The following YES1 variants were observed in gnomAD, a reference collection of about 807,000 sequenced individuals.
YES1 encodes the protein tyrosine-protein kinase Yes.
YES1 carries 39 observed loss-of-function variants against 70.4 expected under a neutral mutation model. The observed-to-expected ratio is 0.55, with a 90% CI of 0.43 to 0.72. The LOEUF is 0.72. Ranked by LOEUF, YES1 falls within the 30% of genes least tolerant of loss-of-function variation. The pLI, the probability that YES1 is intolerant of heterozygous loss-of-function variation, is 0.00. For synonymous variants in YES1, 198 were observed against 218.6 expected (o/e 0.91, Z 0.83); for missense variants, 495 against 644.8 (o/e 0.77, Z 2.52).
chr18:777,218 A>G (rs1905427166), intron 1 of YES1, among the ~76,000 whole-genome samples: 1 of 152,198 alleles, frequency 6.6e-6, no homozygotes, highest in Non-Finnish European at 1.5e-5. Context: ...CAAGGAACAG[A>G]GCCTATGACT....
intron 1 of YES1, among the ~76,000 whole-genome samples, chr18:790,926 A>G (rs1042491606): frequency 6.6e-6 from 1 of 152,176 alleles, no homozygotes; most frequent in Non-Finnish European, 1.5e-5. Flanking sequence ...GAAATTCTCT[A>G]TATTCATTCA....
At chr18:724,681 T>C (rs760968620) in intron 11 of YES1, 49 bp from the exon 12 acceptor site, 54 of 1,493,618 alleles carry the variant, frequency 3.6e-5, no homozygotes, top group Non-Finnish European at 4.5e-5. Flanking sequence ...TAACTACCAC[T>C]AGGAAAACAT....
chr18:723,394 CTTTCT>C lies in YES1; in HGVS notation c.*1025_*1029del, dbSNP rs1323478234. 1 of 152,140 alleles carries C rather than the reference CTTTCT, an allele frequency of 6.6e-6. No homozygotes were observed. Among genetic ancestry groups the C allele is most frequent in the Non-Finnish European group, 1.5e-5 (1 of 67,920 alleles). The allele number at this position is 152,140 out of a possible 1,614,324, so 9.4% of individuals were successfully genotyped here. On this transcript the variant is annotated 3_prime_UTR_variant, in exon 12 of 12. Transcript: ENST00000314574. ...ATCCCTCTAACTTGTAAAACTTTCACTTTCTTTTCTCGTATTTCTTTTAAATACAT... is the reference window on the plus strand; with the variant it reads ...ATCCCTCTAACTTGTAAAACTTTCACTTTCTCGTATTTCTTTTAAATACAT...
Position 787,080 on chromosome 18 carries a change from C to T in YES1, c.-9+25034G>A, listed in dbSNP as rs377139130. On this transcript the variant is annotated intron_variant, in intron 1 of 11. Coordinates refer to ENST00000314574, the MANE Select transcript of YES1 (RefSeq NM_005433.4). Reference sequence around the variant, plus strand: ...TTTAAAAAACTGTGATACATACTGTCTTTTTTTTTTTTTTTTTTTTTTTTT... The same window carrying T: ...TTTAAAAAACTGTGATACATACTGTTTTTTTTTTTTTTTTTTTTTTTTTTT... Among the ~76,000 whole-genome samples, 108 of 34,766 alleles carry T rather than the reference C, an allele frequency of 3.1e-3. 11 individuals carry two copies. Among genetic ancestry groups the T allele is most frequent in the African/African-American group, 0.011 (95 of 8,826 alleles). 22.8% of individuals were successfully genotyped at this position (34,766 alleles called of 152,430 possible).
rs753480264 is a variant in YES1, at chr18:724,436, T to C, written c.1620A>G (p.Gly540=). The C allele has an allele frequency of 1.9e-6, 3 of 1,613,758 alleles. No individual in the cohort carries two copies. Among genetic ancestry groups the C allele is most frequent in the Non-Finnish European group, 2.5e-6 (3 of 1,179,788 alleles). Reference sequence around the variant, plus strand: ...TAGGCTACTTGAATTATAAATTTTCTCCTGGCTGGTACTGTGGCTCTGTAG... The same window carrying C: ...TAGGCTACTTGAATTATAAATTTTCCCCTGGCTGGTACTGTGGCTCTGTAG... ...FTATEPQYQP[G]ENL Residue 540 remains glycine, a synonymous_variant, in exon 12 of 12, where the codon GGA becomes GGG. Transcript: ENST00000314574.
chr18:787,342 G>A (rs984280912), intron 1 of YES1, among the ~76,000 whole-genome samples: 12 of 150,912 alleles, frequency 8.0e-5, no homozygotes, highest in African/African-American at 2.9e-4. Context: ...CAGGTGGTCC[G>A]CCCGCCTCGG....
intron 1 of YES1, among the ~76,000 whole-genome samples, chr18:781,261 C>G (rs1462027613): frequency 1.5e-5 from 2 of 129,814 alleles, no homozygotes; most frequent in South Asian, 5.1e-4. Flanking sequence ...GAGAGTGAAA[C>G]TCTGTCTCAA....
intron 1 of YES1, among the ~76,000 whole-genome samples, chr18:767,902 T>C (rs1904986411): frequency 6.6e-6 from 1 of 152,160 alleles, no homozygotes; most frequent in South Asian, 2.1e-4. Context: ...GGTTTCACCA[T>C]GTTGGCCAGG....
chr18:789,040 AGTTT>A (rs1397762628), intron 1 of YES1, among the ~76,000 whole-genome samples: 1 of 152,222 alleles, frequency 6.6e-6, no homozygotes. Flanking sequence ...TAACATTATT[AGTTT>A]GAGAATGGAT....
intron 2 of YES1, among the ~76,000 whole-genome samples, chr18:754,378 G>A (rs1313285401): frequency 6.6e-6 from 1 of 152,020 alleles, no homozygotes; most frequent in Non-Finnish European, 1.5e-5. Context: ...CTCTTTCCCA[G>A]GATTGCACAT....
chr18:791,521 C>A (rs1218531943), intron 1 of YES1, among the ~76,000 whole-genome samples: 2 of 152,118 alleles, frequency 1.3e-5, no homozygotes, highest in Non-Finnish European at 2.9e-5. Context: ...AGTCTAAGGT[C>A]AAAGACACTC....
At chr18:811,009 T>C (rs1907348775) in intron 1 of YES1, among the ~76,000 whole-genome samples, 1 of 152,214 alleles carries the variant, frequency 6.6e-6, no homozygotes, top group African/African-American at 2.4e-5. Flanking sequence ...GTCACGTGTA[T>C]ACATTTAGTA....
At chr18:751,553 C>T (rs1598905708) in intron 3 of YES1, 152 bp downstream of exon 3, 1 of 567,452 alleles carries the variant, frequency 1.8e-6, no homozygotes, top group African/African-American at 1.9e-5. Context: ...AGTGTTGCAA[C>T]ATGCATCTAT....
chr18:785,129 A>G (rs1005122918), intron 1 of YES1, among the ~76,000 whole-genome samples: 2 of 150,400 alleles, frequency 1.3e-5, no homozygotes, highest in African/African-American at 4.9e-5. Flanking sequence ...GTGGTGGCGG[A>G]TATCACAAAA....
chr18:778,047 CTT>C (rs149131869), intron 1 of YES1, among the ~76,000 whole-genome samples: 1 of 152,228 alleles, frequency 6.6e-6, no homozygotes, highest in African/African-American at 2.4e-5. Flanking sequence ...CTTCAAAGCT[CTT>C]TGTTATTATT....
At position 725,594 on chromosome 18, in the gene YES1, A is replaced by AT. The variant is rs535152775; in HGVS notation, c.1424-963dup. 4.2e-4 allele frequency among the ~76,000 whole-genome samples: 64 copies of AT among 152,308 alleles called. No homozygotes were observed. The East Asian group carries it at 0.011, about 25-fold the overall frequency. ...CATCTAACTAGGTACTGTCATCTTC[A>AT]TAAGTGAAATCTGGCCGGGCACAGT... On this transcript the variant is annotated intron_variant, in intron 11 of 11. Coordinates refer to ENST00000314574, the MANE Select transcript of YES1 (RefSeq NM_005433.4).
At chr18:793,004 A>G (rs891759011) in intron 1 of YES1, among the ~76,000 whole-genome samples, 1 of 151,758 alleles carries the variant, frequency 6.6e-6, no homozygotes, top group Non-Finnish European at 1.5e-5. Flanking sequence ...CAAACAATAG[A>G]AAGAGTCTTA....
intron 1 of YES1, among the ~76,000 whole-genome samples, chr18:805,074 C>T (rs1907032391): frequency 6.6e-6 from 1 of 152,126 alleles, no homozygotes; most frequent in South Asian, 2.1e-4. Flanking sequence ...TAGACTCAAA[C>T]ATTTCCTTAA....
At chr18:792,078 T>A (rs9952902) in intron 1 of YES1, among the ~76,000 whole-genome samples, 95,269 of 152,016 alleles carry the variant, frequency 0.63, 31,024 homozygotes, top group African/African-American at 0.82. Flanking sequence ...AAAATAGTGT[T>A]TTCTCAGTAT....
Sources: allele counts gnomAD v4.1 joint callset (sites outside exome capture counted in the v4.1 genomes callset), GRCh38; gene constraint gnomAD v4.1.1; transcripts MANE v1.5; gene names NCBI Gene and HGNC (gene_info 2026-07-23, HGNC 2026-07-21).